The following AGAP1 variants were observed in gnomAD, a reference collection of about 807,000 sequenced individuals.
AGAP1 encodes the protein ArfGAP with GTPase domain, ankyrin repeat and PH domain 1, also known as arf-GAP with GTPase, ANK repeat and PH domain-containing protein 1.
In AGAP1, 29 loss-of-function variants were observed where a neutral mutation model predicts 105.3. The observed-to-expected ratio is 0.28, with a 90% confidence interval of 0.21 to 0.38. The LOEUF (loss-of-function observed/expected upper bound fraction) is 0.38, where lower values mean the gene tolerates loss of function less well. AGAP1 is among the 10% of genes least tolerant of loss of function. The pLI is 1.00. For missense variants in AGAP1, 998 were observed against 1,165.1 expected (o/e 0.86, Z 2.09); for synonymous variants, 509 against 485.9 (o/e 1.05, Z -0.63).
chr2:235,494,845 C>A lies in AGAP1; in HGVS notation c.159C>A (p.Ile53=). Reference sequence around the variant, plus strand: ...AGATCCGGGAGCACGTCATCGCCATCGAAGGTGAGGGCCGGGCCGCCTTGG... The same window carrying A: ...AGATCCGGGAGCACGTCATCGCCATAGAAGGTGAGGGCCGGGCCGCCTTGG... ...QNQIREHVIA[I]EDAFVNSQEW... is the part of the protein sequence containing the mutation. The change falls in exon 1 of 18, where the codon ATC becomes ATA. Residue 53 remains isoleucine (I), a synonymous_variant. Transcript: ENST00000304032. 1.3e-6 allele frequency: 2 copies of A among 1,568,012 alleles called. No homozygotes were observed.
In AGAP1 at chr2:235,679,617, C is replaced by T. The variant is rs542960286; in HGVS notation, c.164-29562C>T. Among the ~76,000 whole-genome samples the T allele has an allele frequency of 1.1e-3, 166 of 152,302 alleles. 1 individual carries two copies. In the South Asian group the frequency reaches 0.012, roughly 11 times the overall value. ...GCGATTACTTGGCAGCATATGGATTCGTCTCATTCCTGGTACAAGCCAAAT... is the reference window on the plus strand; with the variant it reads ...GCGATTACTTGGCAGCATATGGATTTGTCTCATTCCTGGTACAAGCCAAAT... On this transcript the variant is annotated intron_variant, in intron 1 of 17. Transcript: ENST00000304032.
chr2:235,858,388 CA>C (rs1306621086), intron 9 of AGAP1, among the ~76,000 whole-genome samples: 1 of 29,666 alleles, frequency 3.4e-5, no homozygotes, highest in Non-Finnish European at 6.0e-5. Flanking sequence ...TGATTAAAAA[CA>C]TTTTTACTTA....
Position 235,569,143 on chromosome 2 carries a change from C to T in AGAP1, c.163+74294C>T, listed in dbSNP as rs540347623. Reference sequence around the variant, plus strand: ...CATCCTGGCCAACATGGCGGAAACCCGTCTCTATTAAAAGTATAAAAATTA... The same window carrying T: ...CATCCTGGCCAACATGGCGGAAACCTGTCTCTATTAAAAGTATAAAAATTA... On this transcript the variant is annotated intron_variant, in intron 1 of 17. Coordinates refer to ENST00000304032, the MANE Select transcript of AGAP1 (RefSeq NM_001037131.3). The surrounding 1 kb of genome is among the most constrained non-coding windows in gnomAD (Gnocchi z 5.9). 7.9e-5 allele frequency among the ~76,000 whole-genome samples: 12 copies of T among 152,220 alleles called. No homozygotes were observed. Among genetic ancestry groups the T allele is most frequent in the South Asian group, 2.1e-4 (1 of 4,800 alleles).
chr2:235,903,293 A>G (rs889582018), intron 10 of AGAP1, among the ~76,000 whole-genome samples: 3 of 152,198 alleles, frequency 2.0e-5, no homozygotes, highest in African/African-American at 7.2e-5. Context: ...TTTGAAGTAT[A>G]CGTAAAAATG....
intron 12 of AGAP1, among the ~76,000 whole-genome samples, chr2:235,966,741 G>T (rs563992674): frequency 6.6e-6 from 1 of 152,028 alleles, no homozygotes; most frequent in Admixed American, 6.5e-5. Flanking sequence ...CACCCTCTTC[G>T]CAGGAGGAGC....
intron 1 of AGAP1, among the ~76,000 whole-genome samples, chr2:235,643,001 A>G (rs1947248895): frequency 6.6e-6 from 1 of 152,150 alleles, no homozygotes; most frequent in Non-Finnish European, 1.5e-5. Context: ...CCGGCTTTGC[A>G]GCAGGTTTTC....
intron 13 of AGAP1, among the ~76,000 whole-genome samples, chr2:236,023,339 G>A (rs2056945768): frequency 6.6e-6 from 1 of 152,198 alleles, no homozygotes; most frequent in African/African-American, 2.4e-5. Context: ...TCAGAAAGAT[G>A]AAGTGGGCTG....
chr2:235,890,299 A>C (rs542982929), intron 10 of AGAP1, among the ~76,000 whole-genome samples: 172 of 151,890 alleles, frequency 1.1e-3, no homozygotes, highest in Non-Finnish European at 2.2e-3. Context: ...GATTACAGGC[A>C]TGCACCACCA....
rs10203423 is a variant in AGAP1 at position 236,027,586 on chromosome 2, T to C, written c.1646-8975T>C. 0.96 allele frequency among the ~76,000 whole-genome samples: 145,370 copies of C among 152,136 alleles called. 69,506 individuals are homozygous for C. The highest frequency in any genetic ancestry group is 1 in the East Asian group (5,155 of 5,158). Reference sequence around the variant, plus strand: ...AGATGTTTGCATCACAGTTCAGCCCTGGTCCCCATCAGCACAGCCTGCCTG... The same window carrying C: ...AGATGTTTGCATCACAGTTCAGCCCCGGTCCCCATCAGCACAGCCTGCCTG... On this transcript the variant is annotated intron_variant, in intron 13 of 17. Transcript: ENST00000304032. The surrounding 1 kb of genome is among the most constrained non-coding windows in gnomAD (Gnocchi z 4.4).
chr2:235,939,974 G>A (rs1043030962), intron 12 of AGAP1, among the ~76,000 whole-genome samples: 3 of 152,014 alleles, frequency 2.0e-5, no homozygotes, highest in East Asian at 1.9e-4. Context: ...CTCATTGAAC[G>A]CAGGTAAGCA....
rs1946186366 is a variant in AGAP1, at chr2:235,612,977, T to A, written c.164-96202T>A. On this transcript the variant is annotated intron_variant, in intron 1 of 17. Transcript: ENST00000304032. This position sits in a 1 kb window ranked among gnomAD's most constrained non-coding sequence, Gnocchi z 4.3. ...GTTAACCTCTCTTTCCCAGGTGAGGTTAGCAAATACGTATAGATTGTAACA... is the reference window on the plus strand; with the variant it reads ...GTTAACCTCTCTTTCCCAGGTGAGGATAGCAAATACGTATAGATTGTAACA... Among the ~76,000 whole-genome samples the A allele has an allele frequency of 6.6e-6, 1 of 152,206 alleles. No homozygotes were observed. Among genetic ancestry groups the A allele is most frequent in the Non-Finnish European group, 1.5e-5 (1 of 68,044 alleles).
At chr2:235,706,243 G>A (rs929343083) in intron 1 of AGAP1, among the ~76,000 whole-genome samples, 6 of 152,204 alleles carry the variant, frequency 3.9e-5, no homozygotes, top group South Asian at 4.1e-4. Flanking sequence ...TTTAAATAAC[G>A]AGATGGAGTC....
rs551427384 is a variant in AGAP1 at position 235,967,343 on chromosome 2, T to C, written c.1484-1119T>C. The stretch of plus-strand genomic sequence containing the variant: ...TGACACCCCCCATCACTGCCGCCTC[T>C]CCCCAGCCTCCCAGCCTTGATGCCC... On this transcript the variant is annotated intron_variant, in intron 12 of 17. Coordinates refer to ENST00000304032, the MANE Select transcript of AGAP1 (RefSeq NM_001037131.3). This position sits in a 1 kb window ranked among gnomAD's most constrained non-coding sequence, Gnocchi z 4.7. 6.6e-6 allele frequency among the ~76,000 whole-genome samples: 1 copy of C among 152,250 alleles called. No homozygotes were observed. Among genetic ancestry groups the C allele is most frequent in the South Asian group, 2.1e-4 (1 of 4,816 alleles).
chr2:235,557,507 G>A lies in AGAP1; in HGVS notation c.163+62658G>A, dbSNP rs1198804321. 1.3e-5 allele frequency among the ~76,000 whole-genome samples: 2 copies of A among 152,148 alleles called. No individual in the cohort carries two copies. The highest frequency in any genetic ancestry group is 4.8e-5 in the African/African-American group (2 of 41,422). Reference sequence around the variant, plus strand: ...TGGCTTTTGAGAACTTATATAAAGAGAACTTATAAAAAATGGAAAATGAGA... The same window carrying A: ...TGGCTTTTGAGAACTTATATAAAGAAAACTTATAAAAAATGGAAAATGAGA... On this transcript the variant is annotated intron_variant, in intron 1 of 17. Coordinates refer to ENST00000304032, the MANE Select transcript of AGAP1 (RefSeq NM_001037131.3). This position sits in a 1 kb window ranked among gnomAD's most constrained non-coding sequence, Gnocchi z 4.7.
Position 235,889,788 on chromosome 2 carries a change from T to C in AGAP1, c.1155+6339T>C, listed in dbSNP as rs1273824953. Among the ~76,000 whole-genome samples the C allele has an allele frequency of 6.6e-6, 1 of 152,190 alleles. No homozygotes were observed. Among genetic ancestry groups the C allele is most frequent in the Non-Finnish European group, 1.5e-5 (1 of 68,040 alleles). ...AACCTTTTTCTTAGGAGAGAACCTC[T>C]GTTTCTAAGCAGTGGAATAGAATTG... On this transcript the variant is annotated intron_variant, in intron 10 of 17. Coordinates refer to ENST00000304032, the MANE Select transcript of AGAP1 (RefSeq NM_001037131.3). The surrounding 1 kb of genome is among the most constrained non-coding windows in gnomAD (Gnocchi z 4.6).
chr2:235,533,495 T>C (rs767433147), intron 1 of AGAP1, among the ~76,000 whole-genome samples: 1 of 152,228 alleles, frequency 6.6e-6, no homozygotes, highest in East Asian at 1.9e-4. Context: ...AATTAGGAAC[T>C]GGGTGGCATT....
chr2:236,037,213 A>G (rs2057408824), intron 14 of AGAP1: 1 of 155,320 alleles, frequency 6.4e-6, no homozygotes, highest in African/African-American at 2.4e-5. Flanking sequence ...ATCTAAACTG[A>G]TAAAGCCTGG....
intron 16 of AGAP1, among the ~76,000 whole-genome samples, chr2:236,106,438 G>C (rs2059493854): frequency 6.6e-6 from 1 of 152,224 alleles, no homozygotes; most frequent in Non-Finnish European, 1.5e-5. Flanking sequence ...GCACCTGTGT[G>C]CCACCCGGGC....
At chr2:235,881,158 ATT>A (rs1434538078) in intron 9 of AGAP1, among the ~76,000 whole-genome samples, 2 of 152,250 alleles carry the variant, frequency 1.3e-5, no homozygotes, top group African/African-American at 4.8e-5. Flanking sequence ...CTCATACTTT[ATT>A]AAGTTTGTGA....
Sources: allele counts gnomAD v4.1 joint callset (sites outside exome capture counted in the v4.1 genomes callset), GRCh38; gene constraint gnomAD v4.1.1; non-coding constraint Gnocchi (gnomAD v3.1); transcripts MANE v1.5; gene names NCBI Gene and HGNC (gene_info 2026-07-23, HGNC 2026-07-21).